PAM16: variants seen among roughly 807,000 people sequenced by gnomAD.
PAM16 encodes the protein mitochondrial import inner membrane translocase subunit TIM16.
Under a neutral mutation model 17.9 loss-of-function variants are expected in PAM16, and 11 were observed. The observed-to-expected ratio is 0.62, with a 90% CI of 0.39 to 1.02. The LOEUF (loss-of-function observed/expected upper bound fraction) is 1.02. Among genes scored for constraint, PAM16 ranks in the 50% least tolerant of loss-of-function variants. The pLI is 0.01. For missense variants in PAM16, 199 were observed against 165.4 expected (o/e 1.20, Z -1.11); for synonymous variants, 72 against 67.4 (o/e 1.07, Z -0.34).
rs572639899 is a variant in PAM16, at chr16:4,340,303, G to T, written c.*16C>A. 6.2e-7 allele frequency: 1 copy of T among 1,600,374 alleles called. No homozygotes were observed. The highest frequency in any genetic ancestry group is 1.3e-5 in the African/African-American group (1 of 74,806). On this transcript the variant is annotated 3_prime_UTR_variant, in exon 5 of 5. Transcript: ENST00000318059. ...ATAAATTAGAGGCGGCGGGGTGGGC[G>T]GGGGGAGCCGAGCAGTCACGTATGG...
chr16:4,345,418 T>C (rs2141150061), intron 1 of PAM16: 1 of 152,110 alleles, frequency 6.6e-6, no homozygotes, highest in South Asian at 2.1e-4. Flanking sequence ...GTCACAGCAG[T>C]CACTACGCAG....
In PAM16 at chr16:4,340,302, C is replaced by CGGGGGGGGGGGG; in HGVS notation, c.*16_*17insCCCCCCCCCCCC. On this transcript the variant is annotated 3_prime_UTR_variant, in exon 5 of 5. Transcript: ENST00000318059. ...TATAAATTAGAGGCGGCGGGGTGGG[C>CGGGGGGGGGGGG]GGGGGGAGCCGAGCAGTCACGTATG... is the stretch of plus-strand genomic sequence containing the variant. 4.7e-6 allele frequency: 7 copies of CGGGGGGGGGGGG among 1,496,036 alleles called. No individual in the cohort carries two copies. The highest frequency in any genetic ancestry group is 2.6e-5 in the South Asian group (2 of 76,854). The allele number at this position is 1,496,036 out of a possible 1,614,324, so 92.7% of individuals were successfully genotyped here. A position where few individuals can be genotyped will look rare whatever the true frequency, so the allele number is the denominator to read the frequency against.
chr16:4,346,283 A>C (rs1165116887), intron 1 of PAM16, among the ~76,000 whole-genome samples: 1 of 152,224 alleles, frequency 6.6e-6, no homozygotes, highest in Non-Finnish European at 1.5e-5. Context: ...AATCCCAGCT[A>C]TCTGACATAG....
Position 4,340,413 on chromosome 16 carries a change from G to T in PAM16, c.292-8C>A, listed in dbSNP as rs369895956. ...CTCCTTTGCGCGGACCACCTAGTGG[G>T]TCACGGATAATCAGGCCGGGAGGCC... On this transcript the variant is annotated splice_polypyrimidine_tract_variant and splice_region_variant and intron_variant, in intron 4 of 4. Coordinates refer to ENST00000318059, the MANE Select transcript of PAM16 (RefSeq NM_016069.11). 6 of 1,609,694 alleles carry T rather than the reference G, an allele frequency of 3.7e-6. No individual in the cohort carries two copies. Among genetic ancestry groups the T allele is most frequent in the Non-Finnish European group, 5.1e-6 (6 of 1,178,678 alleles).
chr16:4,340,825 C>T, intron 4 of PAM16, 95 bp downstream of exon 4: 1 of 1,487,334 alleles, frequency 6.7e-7, no homozygotes, highest in Admixed American at 1.7e-5. Flanking sequence ...TGTGCCAAGC[C>T]CTTAGCTGGC....
At chr16:4,345,510 C>T (rs969314204) in intron 1 of PAM16, 5 of 152,152 alleles carry the variant, frequency 3.3e-5, no homozygotes, top group African/African-American at 1.2e-4. Flanking sequence ...GGGCTTGCTC[C>T]AGATTCCAGT....
intron 1 of PAM16, among the ~76,000 whole-genome samples, chr16:4,349,383 A>G (rs1043836063): frequency 6.6e-6 from 1 of 152,196 alleles, no homozygotes; most frequent in African/African-American, 2.4e-5. Flanking sequence ...GCCTGGCAAC[A>G]TGGCGAAACT....
chr16:4,345,405 T>C (rs1176885114), intron 1 of PAM16: 1 of 152,028 alleles, frequency 6.6e-6, no homozygotes, highest in Non-Finnish European at 1.5e-5. Flanking sequence ...GCTGGTGCTA[T>C]CTGTCACAGC....
chr16:4,343,603 A>G, intron 1 of PAM16: 1 of 1,376,964 alleles, frequency 7.3e-7, no homozygotes, highest in Admixed American at 3.4e-5. Flanking sequence ...GGCTTCAGGA[A>G]GAAACACTGT....
chr16:4,340,596 C>T (rs764458588), intron 4 of PAM16, among the ~76,000 whole-genome samples, 191 bp from the exon 5 acceptor site: 7 of 152,176 alleles, frequency 4.6e-5, no homozygotes, highest in Admixed American at 2.6e-4. Context: ...CAGGGCCCAG[C>T]GCATGCTGTG....
At chr16:4,342,795 C>A (rs2053669489) in intron 2 of PAM16, among the ~76,000 whole-genome samples, 2 of 151,886 alleles carry the variant, frequency 1.3e-5, no homozygotes, top group South Asian at 4.2e-4. Context: ...CCCGTCTCTA[C>A]TAAAAATACA....
chr16:4,348,953 C>CT (rs1219395068), intron 1 of PAM16, among the ~76,000 whole-genome samples: 6,119 of 114,230 alleles, frequency 0.054, 327 homozygotes, highest in Admixed American at 0.078. Flanking sequence ...CTAGCACTTT[C>CT]TTTTTTTTTT....
At chr16:4,346,251 T>C (rs2053757638) in intron 1 of PAM16, among the ~76,000 whole-genome samples, 1 of 152,214 alleles carries the variant, frequency 6.6e-6, no homozygotes. Context: ...ACCTGCAGGC[T>C]TTGGGATCAC....
At chr16:4,348,059 G>C (rs1178912006) in intron 1 of PAM16, 1 of 152,216 alleles carries the variant, frequency 6.6e-6, no homozygotes, top group Non-Finnish European at 1.5e-5. Flanking sequence ...GGGTAGATAA[G>C]CAGACAGCCT....
Position 4,344,550 on chromosome 16 carries a change from CCGTGAGAGGAGGGGGT to C in PAM16, c.4-1275_4-1260del, listed in dbSNP as rs1465986321. Among the ~76,000 whole-genome samples, 10 of 22,778 alleles carry C rather than the reference CCGTGAGAGGAGGGGGT, an allele frequency of 4.4e-4. 1 individual carries two copies. The highest frequency in any genetic ancestry group is 5.7e-4 in the Non-Finnish European group (7 of 12,292). The allele number at this position is 22,778 out of a possible 152,430, so 14.9% of individuals were successfully genotyped here. ...GGGGACTGTGTGAGAGGAGGGGGTT[CCGTGAGAGGAGGGGGT>C]TCTGTGAGAGGAGGGGGTTCCGTGA... On this transcript the variant is annotated intron_variant, in intron 1 of 4. Coordinates refer to ENST00000318059, the MANE Select transcript of PAM16 (RefSeq NM_016069.11).
intron 3 of PAM16, among the ~76,000 whole-genome samples, 186 bp from the exon 4 acceptor site, chr16:4,341,171 T>C (rs1162992596): frequency 6.6e-6 from 1 of 152,194 alleles, no homozygotes; most frequent in African/African-American, 2.4e-5. Context: ...GAGCTGCTAC[T>C]GGAAGGCACT....
At position 4,340,260 on chromosome 16, in the gene PAM16, G is replaced by T. The variant is rs539349335; in HGVS notation, c.*59C>A. 4.6e-6 allele frequency: 7 copies of T among 1,505,778 alleles called. No homozygotes were observed. In the East Asian group the frequency reaches 1.0e-4, roughly 21 times the overall value. The allele number at this position is 1,505,778 out of a possible 1,614,324, so 93.3% of individuals were successfully genotyped here. A position where few individuals can be genotyped will look rare whatever the true frequency, so the allele number is the denominator to read the frequency against. On this transcript the variant is annotated 3_prime_UTR_variant, in exon 5 of 5. Coordinates refer to ENST00000318059, the MANE Select transcript of PAM16 (RefSeq NM_016069.11). ...ACATGCAAACGAGAAATGCAGAAAA[G>T]AAATTTATTACCAAGCTATAAATTA...
At chr16:4,341,608 C>G (rs1567229183) in intron 2 of PAM16, 104 bp from the exon 3 acceptor site, 1 of 1,473,858 alleles carries the variant, frequency 6.8e-7, no homozygotes, top group Non-Finnish European at 9.0e-7. Flanking sequence ...GGATGAGAGA[C>G]ACAGGGACAG....
At chr16:4,343,316 T>G in intron 1 of PAM16, 25 bp from the exon 2 acceptor site, 1 of 1,584,648 alleles carries the variant, frequency 6.3e-7, no homozygotes, top group Non-Finnish European at 8.6e-7. Context: ...GGCACCCGGT[T>G]AGCAGGCCAC....
Sources: allele counts gnomAD v4.1 joint callset (sites outside exome capture counted in the v4.1 genomes callset), GRCh38; gene constraint gnomAD v4.1.1; transcripts MANE v1.5; gene names NCBI Gene and HGNC (gene_info 2026-07-23, HGNC 2026-07-21).